Variants in ATP11A observed in about 807,000 individuals in gnomAD.
The protein encoded by ATP11A is ATPase phospholipid transporting 11A.
Under a neutral mutation model 154.4 loss-of-function variants are expected in ATP11A, and 81 were observed. The ratio of observed to expected loss-of-function variants is 0.52; its 90% CI spans 0.44 to 0.63. ATP11A has a LOEUF of 0.63. ATP11A is among the 30% of genes least tolerant of loss of function. The pLI, the probability that ATP11A is intolerant of heterozygous loss-of-function variation, is 0.00. For synonymous variants in ATP11A, 623 were observed against 585.9 expected (o/e 1.06, Z -0.91); for missense variants, 1,316 against 1,474.3 (o/e 0.89, Z 1.76).
At chr13:112,735,926 G>A (rs911845889) in intron 1 of ATP11A, among the ~76,000 whole-genome samples, 3 of 152,160 alleles carry the variant, frequency 2.0e-5, no homozygotes, top group Non-Finnish European at 2.9e-5. Context: ...CTCCGTGTGC[G>A]CATGCTCTGC....
chr13:112,794,428 G>T (rs2077944156), intron 2 of ATP11A, among the ~76,000 whole-genome samples: 1 of 152,198 alleles, frequency 6.6e-6, no homozygotes, highest in Admixed American at 6.5e-5. Flanking sequence ...AGTTCCCTGG[G>T]ATTTCACTTT....
chr13:112,769,232 C>G (rs568107953), intron 1 of ATP11A, among the ~76,000 whole-genome samples: 4 of 152,316 alleles, frequency 2.6e-5, no homozygotes, highest in African/African-American at 7.2e-5. Context: ...TGAGCGTGTG[C>G]CAGGGCTGAG....
chr13:112,708,976 G>A (rs562597696), intron 1 of ATP11A, among the ~76,000 whole-genome samples: 1 of 152,274 alleles, frequency 6.6e-6, no homozygotes, highest in South Asian at 2.1e-4. Context: ...CATGTTCCAG[G>A]GTAGACTCCG....
chr13:112,856,176 C>A, intron 20 of ATP11A, 91 bp downstream of exon 20: 1 of 1,298,848 alleles, frequency 7.7e-7, no homozygotes, highest in Non-Finnish European at 1.1e-6. Flanking sequence ...GATTGTTAAA[C>A]AATCTAGCAG....
At chr13:112,841,458 T>G (rs2079415648) in intron 16 of ATP11A, among the ~76,000 whole-genome samples, 1 of 143,224 alleles carries the variant, frequency 7.0e-6, no homozygotes, top group Non-Finnish European at 1.5e-5. Context: ...GGGGGCTCTG[T>G]GTGTCGGGAG....
intron 24 of ATP11A, among the ~76,000 whole-genome samples, chr13:112,861,578 A>G (rs546512268): frequency 5.3e-4 from 81 of 152,346 alleles, no homozygotes; most frequent in African/African-American, 1.8e-3. Flanking sequence ...CCACCACCAT[A>G]GCCAAGACCA....
intron 1 of ATP11A, among the ~76,000 whole-genome samples, chr13:112,743,118 GCAGA>G (rs1891729612): frequency 6.6e-6 from 1 of 152,218 alleles, no homozygotes; most frequent in Non-Finnish European, 1.5e-5. Flanking sequence ...ATTCAGACTG[GCAGA>G]CAGTTGCTCC....
At position 112,697,060 on chromosome 13, in the gene ATP11A, G is replaced by A. The variant is rs1001055276; in HGVS notation, c.39+6605G>A. 2.0e-5 allele frequency: 3 copies of A among 152,714 alleles called. No homozygotes were observed. The highest frequency in any genetic ancestry group is 7.2e-5 in the African/African-American group (3 of 41,476). 9.5% of individuals were successfully genotyped at this position (152,714 alleles called of 1,614,324 possible). A position where few individuals can be genotyped will look rare whatever the true frequency, so the allele number is the denominator to read the frequency against. ...GCGCAGTGGGTGGCGGGGTGGACGA[G>A]GTGAGGGCCTGGCCAGGTGGGTGCC... is the stretch of plus-strand genomic sequence containing the variant. On this transcript the variant is annotated intron_variant, in intron 1 of 29. Coordinates refer to ENST00000375645, the MANE Select transcript of ATP11A (RefSeq NM_015205.3). The surrounding 1 kb of genome is among the most constrained non-coding windows in gnomAD (Gnocchi z 4.0).
rs1016210588 is a variant in ATP11A at position 112,697,274 on chromosome 13, C to T, written c.39+6819C>T. On this transcript the variant is annotated intron_variant, in intron 1 of 29. Coordinates refer to ENST00000375645, the MANE Select transcript of ATP11A (RefSeq NM_015205.3). This position sits in a 1 kb window ranked among gnomAD's most constrained non-coding sequence, Gnocchi z 4.0. The stretch of plus-strand genomic sequence containing the variant: ...TTCCCTCTCCATCAACATCCTTGTC[C>T]CAGGAAGAGGCGTCCACTGCCTGCT... 1.3e-5 allele frequency among the ~76,000 whole-genome samples: 2 copies of T among 152,140 alleles called. No homozygotes were observed. Among genetic ancestry groups the T allele is most frequent in the African/African-American group, 2.4e-5 (1 of 41,434 alleles).
intron 1 of ATP11A, among the ~76,000 whole-genome samples, chr13:112,784,592 C>T (rs1348981593): frequency 2.7e-5 from 4 of 150,744 alleles, no homozygotes; most frequent in Admixed American, 2.0e-4. Context: ...GGTGCTATCT[C>T]GGTCACTGCA....
intron 1 of ATP11A, among the ~76,000 whole-genome samples, chr13:112,744,209 G>C (rs971504052): frequency 2.0e-5 from 3 of 152,202 alleles, no homozygotes; most frequent in African/African-American, 7.2e-5. Context: ...GGGAGGGTGT[G>C]ATGGAGTGCA....
At chr13:112,837,772 T>A (rs1420722373) in intron 16 of ATP11A, among the ~76,000 whole-genome samples, 1 of 152,092 alleles carries the variant, frequency 6.6e-6, no homozygotes, top group African/African-American at 2.4e-5. Context: ...CCATCATCAG[T>A]GCCGTCGGGC....
chr13:112,825,418 C>T lies in ATP11A; in HGVS notation c.873-12C>T. ...TCAGGGACCAGTGATCACCTCTGTC[C>T]TTTTGTTTTAGATCGATGAATGCGT... On this transcript the variant is annotated splice_polypyrimidine_tract_variant and intron_variant, in intron 10 of 29. Transcript: ENST00000375645. 6.2e-7 allele frequency: 1 copy of T among 1,603,424 alleles called. No individual in the cohort carries two copies. Among genetic ancestry groups the T allele is most frequent in the Non-Finnish European group, 8.5e-7 (1 of 1,174,386 alleles).
At chr13:112,868,774 G>A (rs2080420016) in intron 25 of ATP11A, among the ~76,000 whole-genome samples, 2 of 152,272 alleles carry the variant, frequency 1.3e-5, no homozygotes, top group South Asian at 4.1e-4. Flanking sequence ...CTGAGACAGG[G>A]TGATTTAGGA....
intron 1 of ATP11A, among the ~76,000 whole-genome samples, chr13:112,737,539 G>T (rs938778079): frequency 6.6e-6 from 1 of 152,230 alleles, no homozygotes; most frequent in Admixed American, 6.5e-5. Context: ...GAGGAGGGAA[G>T]GGGCTGGGCT....
intron 10 of ATP11A, among the ~76,000 whole-genome samples, chr13:112,824,769 A>G (rs1240807929): frequency 1.3e-5 from 2 of 152,254 alleles, no homozygotes; most frequent in African/African-American, 4.8e-5. Flanking sequence ...GGATTTGGTC[A>G]AAACCACGTA....
chr13:112,844,551 C>T (rs2079520200), intron 17 of ATP11A, among the ~76,000 whole-genome samples: 2 of 152,306 alleles, frequency 1.3e-5, no homozygotes, highest in South Asian at 4.2e-4. Context: ...AGATTCGTGC[C>T]CACCTTCTGG....
At chr13:112,835,902 T>C (rs768922414) in intron 15 of ATP11A, among the ~76,000 whole-genome samples, 10 of 152,182 alleles carry the variant, frequency 6.6e-5, no homozygotes, top group African/African-American at 9.7e-5. Context: ...CTTGGCAGAA[T>C]CTGAGCCTAT....
Position 112,860,448 on chromosome 13 carries a change from G to A in ATP11A, c.2855+34G>A, listed in dbSNP as rs1320724453. 1.9e-6 allele frequency: 3 copies of A among 1,612,758 alleles called. No individual in the cohort carries two copies. The South Asian group carries it at 3.3e-5, about 18-fold the overall frequency. ...CTCCAAACAGCCTCTCCTGAGAGCA[G>A]AGAGAGTAACTAGGCAGCACTCTGG... On this transcript the variant is annotated intron_variant, in intron 24 of 29. Coordinates refer to ENST00000375645, the MANE Select transcript of ATP11A (RefSeq NM_015205.3).
Sources: allele counts gnomAD v4.1 joint callset (sites outside exome capture counted in the v4.1 genomes callset), GRCh38; gene constraint gnomAD v4.1.1; non-coding constraint Gnocchi (gnomAD v3.1); transcripts MANE v1.5; gene names NCBI Gene and HGNC (gene_info 2026-07-23, HGNC 2026-07-21).